TBC1D2B: variants seen among roughly 807,000 people sequenced by gnomAD.
TBC1D2B encodes TBC1 domain family member 2B.
A neutral mutation model predicts 100.8 loss-of-function variants in TBC1D2B; 64 were observed. The ratio of observed to expected loss-of-function variants is 0.64; its 90% CI spans 0.52 to 0.78. TBC1D2B has a LOEUF of 0.78. Ranked by LOEUF, TBC1D2B falls within the 30% of genes least tolerant of loss-of-function variation. The pLI is 0.00. For synonymous variants in TBC1D2B, 480 were observed against 479.7 expected (o/e 1.00, Z -0.01); for missense variants, 1,052 against 1,218.4 (o/e 0.86, Z 2.03).
intron 5 of TBC1D2B, 52 bp downstream of exon 5, chr15:78,025,207 C>A: frequency 3.3e-6 from 5 of 1,518,382 alleles, no homozygotes; most frequent in Non-Finnish European, 4.5e-6. Flanking sequence ...TTACTCCTCC[C>A]GTCCTTGGCC....
chr15:78,009,127 G>C lies in TBC1D2B; in HGVS notation c.2271-13C>G. On this transcript the variant is annotated splice_polypyrimidine_tract_variant and intron_variant, in intron 9 of 12. Coordinates refer to ENST00000300584, the MANE Select transcript of TBC1D2B (RefSeq NM_144572.2). ...CACTGCCACCAACCTACAAGCAAAG[G>C]GAGGACAAGATGAGAGCCCAGGCAC... 6.4e-7 allele frequency: 1 copy of C among 1,568,854 alleles called. No individual in the cohort carries two copies. The highest frequency in any genetic ancestry group is 8.7e-7 in the Non-Finnish European group (1 of 1,150,564).
In TBC1D2B at chr15:78,025,376, T is replaced by C; in HGVS notation, c.969A>G (p.Glu323=). The change falls in exon 5 of 13, where the codon GAA becomes GAG. Residue 323 remains glutamate, a synonymous_variant. Coordinates refer to ENST00000300584, the MANE Select transcript of TBC1D2B (RefSeq NM_144572.2). ...NRHSSGDPSS[E]GTSGSGSVSI... ...TGACGCTGCCACTGCCTGATGTGCC[T>C]TCACTTGAAGGGTCACCACTGCTGT... 1.2e-6 allele frequency: 2 copies of C among 1,613,988 alleles called. No homozygotes were observed. The highest frequency in any genetic ancestry group is 2.2e-5 in the South Asian group (2 of 91,084).
chr15:78,029,059 A>AT (rs145096122), intron 4 of TBC1D2B, among the ~76,000 whole-genome samples: 23,260 of 145,898 alleles, frequency 0.16, 2,172 homozygotes, highest in Non-Finnish European at 0.22. Context: ...TGTGGTTATA[A>AT]TTTTTTTTTT....
intron 1 of TBC1D2B, 90 bp from the exon 2 acceptor site, chr15:78,054,277 T>C (rs1230445290): frequency 3.3e-5 from 43 of 1,311,948 alleles, no homozygotes; most frequent in Non-Finnish European, 4.1e-5. Flanking sequence ...ACTGTTCAGC[T>C]TGCCATGTGA....
At chr15:78,077,269 C>T (rs553113478) in intron 1 of TBC1D2B, 24 bp downstream of exon 1, 9 of 1,409,258 alleles carry the variant, frequency 6.4e-6, no homozygotes, top group Non-Finnish European at 8.3e-6. Context: ...AGCGCGCGGG[C>T]GGCTTTGGGG....
rs760521035 is a variant in TBC1D2B, at chr15:78,001,649, C to T, written c.2666G>A (p.Arg889His). The change falls in exon 12 of 13, where the codon CGC becomes CAC. Residue 889 changes from arginine (R) to histidine (H), a missense_variant. By Grantham distance (29) the Arg-to-His change is conservative (BLOSUM62 0). Transcript: ENST00000300584. ...QDSMSIFKYL[R>H]YFTRTILDAR... The stretch of plus-strand genomic sequence containing the variant: ...ATCAAGGATAGTGCGAGTGAAGTAG[C>T]GGAGATACTTAAATATAGACATCGA... 1.2e-6 allele frequency: 2 copies of T among 1,608,712 alleles called. No individual in the cohort carries two copies. Among genetic ancestry groups the T allele is most frequent in the Non-Finnish European group, 1.7e-6 (2 of 1,177,510 alleles).
intron 1 of TBC1D2B, chr15:78,066,249 C>T: frequency 3.0e-6 from 1 of 336,562 alleles, no homozygotes. Context: ...ACTCAGAATG[C>T]AAAGAAGATA....
At chr15:78,034,896 C>A (rs1425583568) in intron 3 of TBC1D2B, among the ~76,000 whole-genome samples, 1 of 152,228 alleles carries the variant, frequency 6.6e-6, no homozygotes, top group Non-Finnish European at 1.5e-5. Context: ...CAGACACACT[C>A]ACCCTGTCTG....
At chr15:78,026,901 CAAA>C (rs5813893) in intron 4 of TBC1D2B, among the ~76,000 whole-genome samples, 7 of 110,520 alleles carry the variant, frequency 6.3e-5, no homozygotes, top group Admixed American at 2.0e-4. Context: ...ATCTCCATCT[CAAA>C]AAAAAAAAAA....
chr15:78,063,513 G>A (rs996427162), intron 1 of TBC1D2B, among the ~76,000 whole-genome samples: 1 of 152,136 alleles, frequency 6.6e-6, no homozygotes, highest in African/African-American at 2.4e-5. Context: ...GTTGGCTTCA[G>A]GGACAAATAA....
chr15:78,040,540 A>G (rs2073049435), intron 3 of TBC1D2B, among the ~76,000 whole-genome samples: 1 of 151,280 alleles, frequency 6.6e-6, no homozygotes, highest in East Asian at 1.9e-4. Flanking sequence ...CAAAGTAGAG[A>G]CCCTGTCTCA....
At chr15:78,023,071 G>C (rs1163177381) in intron 6 of TBC1D2B, among the ~76,000 whole-genome samples, 1 of 152,168 alleles carries the variant, frequency 6.6e-6, no homozygotes, top group African/African-American at 2.4e-5. Context: ...AGGGTCCCTA[G>C]CATGCCTATC....
rs1314876481 is a variant in TBC1D2B, at chr15:78,025,284, A to C, written c.1061T>G (p.Leu354Ter). ...VQSQQEELEQ[L>*]KKDLSSQKEL... ...CTTCTGACTGGACAGGTCTTTCTTTAACTGTTCCAGCTCTTCCTGCTGGCT... is the reference window on the plus strand; with the variant it reads ...CTTCTGACTGGACAGGTCTTTCTTTCACTGTTCCAGCTCTTCCTGCTGGCT... The change falls in exon 5 of 13, where the codon TTA (leucine) becomes TGA (stop). Residue 354 changes from leucine to a stop codon, truncating the protein, a stop_gained. Coordinates refer to ENST00000300584, the MANE Select transcript of TBC1D2B (RefSeq NM_144572.2). LOFTEE classifies it high-confidence loss of function. 1.2e-6 allele frequency: 2 copies of C among 1,613,766 alleles called. No individual in the cohort carries two copies.
rs143984907 is a variant in TBC1D2B, at chr15:78,003,582, G to A, written c.2389-92C>T. 281 of 925,312 alleles carry A rather than the reference G, an allele frequency of 3.0e-4. 2 individuals carry two copies. The African/African-American group carries it at 4.0e-3, about 13-fold the overall frequency. The allele number at this position is 925,312 out of a possible 1,614,324, so 57.3% of individuals were successfully genotyped here. A position where few individuals can be genotyped will look rare whatever the true frequency, so the allele number is the denominator to read the frequency against. ...ACGCGCAACCTGAGAGCCTGGGGGT[G>A]GAGCCCAAGTGACAGCAGCACAACT... On this transcript the variant is annotated intron_variant, in intron 10 of 12. Transcript: ENST00000300584.
At chr15:78,066,503 A>G (rs1007550265) in intron 1 of TBC1D2B, among the ~76,000 whole-genome samples, 2 of 152,130 alleles carry the variant, frequency 1.3e-5, no homozygotes, top group African/African-American at 4.8e-5. Flanking sequence ...CCTGAGGCCC[A>G]CTCTGGCCTG....
intron 10 of TBC1D2B, among the ~76,000 whole-genome samples, chr15:78,006,334 C>T (rs926815060): frequency 2.6e-5 from 4 of 152,220 alleles, no homozygotes; most frequent in African/African-American, 9.6e-5. Flanking sequence ...TAATCCCACC[C>T]GACTGACTGC....
chr15:78,044,934 A>T lies in TBC1D2B; in HGVS notation c.649T>A (p.Phe217Ile). The T allele has an allele frequency of 6.2e-7, 1 of 1,613,370 alleles. No homozygotes were observed. The change falls in exon 3 of 13, where the codon TTT (phenylalanine) becomes ATT (isoleucine). Residue 217 changes from phenylalanine (F) to isoleucine (I), a missense_variant. Transcript: ENST00000300584. ...TTGCCCCACTGTTTCAAAGAGTAAA[A>T]ATTAATGGAATTTGGATGCCCTGGG... ...PAPGHPNSIN[F>I]YSLKQWGNEL...
At chr15:78,046,502 CTT>C (rs34934180) in intron 2 of TBC1D2B, among the ~76,000 whole-genome samples, 1 of 147,566 alleles carries the variant, frequency 6.8e-6, no homozygotes. Flanking sequence ...ATTATTTTCT[CTT>C]TTTTTTTTTG....
chr15:78,038,394 A>G (rs1362311486), intron 3 of TBC1D2B, among the ~76,000 whole-genome samples: 3 of 152,216 alleles, frequency 2.0e-5, no homozygotes, highest in African/African-American at 7.2e-5. Context: ...GAGAAGACAG[A>G]GCCCTCCCTG....
Sources: gnomAD v4.1 joint callset for allele counts (sites outside exome capture counted in the v4.1 genomes callset) on GRCh38, gnomAD v4.1.1 for gene constraint, MANE v1.5 for transcripts, NCBI Gene and HGNC (gene_info 2026-07-23, HGNC 2026-07-21) for gene names.